AP3D1: variants seen among roughly 807,000 people sequenced by gnomAD.
AP3D1 encodes the protein adaptor related protein complex 3 subunit delta 1.
A neutral mutation model predicts 147.6 loss-of-function variants in AP3D1; 51 were observed. That is an observed-to-expected ratio of 0.35 (90% CI 0.28 to 0.44). The LOEUF is 0.44. Among genes scored for constraint, AP3D1 ranks in the 20% least tolerant of loss-of-function variants. The pLI, the probability that AP3D1 is intolerant of heterozygous loss-of-function variation, is 1.00. For missense variants in AP3D1, 1,421 were observed against 1,624.2 expected, an observed-to-expected ratio of 0.87 and a Z score of 2.15; for synonymous variants, 760 against 663.0, an observed-to-expected ratio of 1.15 and a Z score of -2.25.
intron 1 of AP3D1, among the ~76,000 whole-genome samples, chr19:2,148,543 A>G (rs2144569263): frequency 6.6e-6 from 1 of 152,362 alleles, no homozygotes; most frequent in East Asian, 1.9e-4. Context: ...GAGGACTGGA[A>G]AACAGTGAAC....
intron 9 of AP3D1, among the ~76,000 whole-genome samples, chr19:2,125,082 A>G (rs544557139): frequency 6.6e-6 from 1 of 152,194 alleles, no homozygotes; most frequent in Admixed American, 6.5e-5. Flanking sequence ...AATCACCGCT[A>G]AAGAACTGAT....
At chr19:2,104,923 C>T (rs536436917) in intron 31 of AP3D1, among the ~76,000 whole-genome samples, 2 of 152,218 alleles carry the variant, frequency 1.3e-5, no homozygotes, top group East Asian at 3.9e-4. Flanking sequence ...GATCCTCCTG[C>T]CTCAGCCTCC....
Position 2,137,102 on chromosome 19 carries a change from A to T in AP3D1, c.274-11T>A. 1 of 1,572,450 alleles carries T rather than the reference A, an allele frequency of 6.4e-7. No individual in the cohort carries two copies. Among genetic ancestry groups the T allele is most frequent in the Non-Finnish European group, 8.6e-7 (1 of 1,159,106 alleles). On this transcript the variant is annotated splice_polypyrimidine_tract_variant and intron_variant, in intron 3 of 31. Transcript: ENST00000643116. Reference sequence around the variant, plus strand: ...GAGGTAGCCAATTCGCTGGGAGAGAACAGATGAGCACATCAGAGGCAGGAC... The same window carrying T: ...GAGGTAGCCAATTCGCTGGGAGAGATCAGATGAGCACATCAGAGGCAGGAC...
chr19:2,152,606 G>A (rs184106212), upstream of AP3D1, among the ~76,000 whole-genome samples: 8 of 151,514 alleles, frequency 5.3e-5, no homozygotes, highest in Admixed American at 2.0e-4. Flanking sequence ...GGCCAGGCGC[G>A]GTGGCTCACA....
intron 4 of AP3D1, among the ~76,000 whole-genome samples, chr19:2,135,963 C>T (rs2019065024): frequency 6.6e-6 from 1 of 152,052 alleles, no homozygotes; most frequent in Admixed American, 6.5e-5. Flanking sequence ...GCCCCACCTG[C>T]TACACGGCCA....
upstream of AP3D1, among the ~76,000 whole-genome samples, chr19:2,154,667 G>C (rs1184332430): frequency 1.3e-5 from 2 of 152,302 alleles, no homozygotes; most frequent in East Asian, 3.9e-4. Flanking sequence ...CCCAAGGCAG[G>C]ACTCTAATCT....
rs1255560460 is a variant in AP3D1 at position 2,108,954 on chromosome 19, G to A, written c.3472+132C>T. On this transcript the variant is annotated intron_variant, in intron 30 of 31. Coordinates refer to ENST00000643116, the MANE Select transcript of AP3D1 (RefSeq NM_001261826.3). ...CCCGCACCAGCTCCCAGGCCTCGGGGCCACCAGCCACCCGGGATCCCAAAG... is the reference window on the plus strand; with the variant it reads ...CCCGCACCAGCTCCCAGGCCTCGGGACCACCAGCCACCCGGGATCCCAAAG... 3 of 1,453,396 alleles carry A rather than the reference G, an allele frequency of 2.1e-6. No homozygotes were observed. In the East Asian group the frequency reaches 7.2e-5, roughly 35 times the overall value. The allele number at this position is 1,453,396 out of a possible 1,614,324, so 90.0% of individuals were successfully genotyped here. A position where few individuals can be genotyped will look rare whatever the true frequency, so the allele number is the denominator to read the frequency against.
At chr19:2,125,552 C>G (rs758257074) in intron 9 of AP3D1, among the ~76,000 whole-genome samples, 3 of 152,190 alleles carry the variant, frequency 2.0e-5, no homozygotes, top group Non-Finnish European at 4.4e-5. Flanking sequence ...CTCCTAACCT[C>G]AGGTGATCCA....
chr19:2,122,940 GGCACCT>G (rs2018651429), intron 11 of AP3D1, among the ~76,000 whole-genome samples: 1 of 152,232 alleles, frequency 6.6e-6, no homozygotes, highest in East Asian at 1.9e-4. Flanking sequence ...CATGCAGGCA[GGCACCT>G]GGGCAAGGGT....
At chr19:2,116,972 G>T in intron 16 of AP3D1, 2 of 797,848 alleles carry the variant, frequency 2.5e-6, no homozygotes, top group Non-Finnish European at 3.8e-6. Context: ...GCAGGCTCAG[G>T]CTGCCTCAGA....
In AP3D1 at chr19:2,111,773, T is replaced by C; in HGVS notation, c.2843A>G (p.Lys948Arg). The change falls in exon 25 of 32, where the codon AAA becomes AGA. Residue 948 changes from lysine to arginine, a missense_variant. Lys to Arg is a conservative substitution (Grantham distance 26). Coordinates refer to ENST00000643116, the MANE Select transcript of AP3D1 (RefSeq NM_001261826.3). ...CTGCTTCTTGGACTTCTTCTTGCCT[T>C]TGGTCCGCTCCTCCTTCTCCTTCCT... Reference protein sequence around the residue: ...KHRKEKEERTKGKKKSKKQPP... With the variant: ...KHRKEKEERTRGKKKSKKQPP... The C allele has an allele frequency of 6.2e-7, 1 of 1,613,314 alleles. No individual in the cohort carries two copies. Among genetic ancestry groups the C allele is most frequent in the Non-Finnish European group, 8.5e-7 (1 of 1,179,656 alleles).
intron 9 of AP3D1, 144 bp downstream of exon 9, chr19:2,127,008 C>A: frequency 1.2e-6 from 1 of 845,776 alleles, no homozygotes; most frequent in Non-Finnish European, 1.9e-6. Context: ...CCCAGCCAGC[C>A]CCAGGCCCCA....
chr19:2,156,834 C>T (rs1014037020), intron 1 of AP3D1, among the ~76,000 whole-genome samples: 1 of 151,510 alleles, frequency 6.6e-6, no homozygotes, highest in Non-Finnish European at 1.5e-5. Flanking sequence ...GATGACAGAG[C>T]GAGACTCTGT....
chr19:2,115,436 G>T lies in AP3D1; in HGVS notation c.2150-18C>A, dbSNP rs774915925. 14 of 1,607,282 alleles carry T rather than the reference G, an allele frequency of 8.7e-6. No individual in the cohort carries two copies. The highest frequency in any genetic ancestry group is 3.3e-5 in the Admixed American group (2 of 59,992). ...AGGCAGCCCTGCGGGCCGGCAGCGGGCAGCCACTCAGCACTGCACCCCAGG... is the reference window on the plus strand; with the variant it reads ...AGGCAGCCCTGCGGGCCGGCAGCGGTCAGCCACTCAGCACTGCACCCCAGG... On this transcript the variant is annotated intron_variant, in intron 19 of 31. Transcript: ENST00000643116.
chr19:2,148,074 G>A (rs1490337119), intron 1 of AP3D1, among the ~76,000 whole-genome samples: 1 of 150,178 alleles, frequency 6.7e-6, no homozygotes, highest in Non-Finnish European at 1.5e-5. Context: ...GTGAACCCGG[G>A]AGGCACAGCT....
Position 2,151,380 on chromosome 19 carries a change from G to T in AP3D1, c.-46C>A. 7.2e-7 allele frequency: 1 copy of T among 1,392,654 alleles called. No homozygotes were observed. The highest frequency in any genetic ancestry group is 9.6e-7 in the Non-Finnish European group (1 of 1,045,372). The allele number at this position is 1,392,654 out of a possible 1,614,324, so 86.3% of individuals were successfully genotyped here. A position where few individuals can be genotyped will look rare whatever the true frequency, so the allele number is the denominator to read the frequency against. ...TGCCTCGGGAGGCCCGCGGCTGGGC[G>T]CCGTGAGGGGGCCCGGGGCCCGTGC... On this transcript the variant is annotated 5_prime_UTR_variant, in exon 1 of 32. Transcript: ENST00000643116.
chr19:2,151,133 G>C (rs1466638063), intron 1 of AP3D1, 106 bp downstream of exon 1: 1 of 1,144,096 alleles, frequency 8.7e-7, no homozygotes, highest in South Asian at 1.5e-5. Flanking sequence ...CTCCAACTAA[G>C]ACAGAGCCCG....
At position 2,121,284 on chromosome 19, in the gene AP3D1, C is replaced by T. The variant is rs769412492; in HGVS notation, c.1129G>A (p.Val377Met). The part of the protein sequence containing the change: ...MVSKKNLMEI[V>M]KKLMTHVDKA... ...TCTACGTGGGTCATCAGCTTCTTCA[C>T]GATCTCCATCAGGTTCTTCTTGGAC... Residue 377 changes from valine to methionine, a missense_variant, in exon 13 of 32, where the codon GTG becomes ATG. Val to Met is a conservative substitution (Grantham distance 21, BLOSUM62 1). Transcript: ENST00000643116. The T allele has an allele frequency of 3.5e-5, 57 of 1,614,062 alleles. No homozygotes were observed. The highest frequency in any genetic ancestry group is 1.0e-4 in the Admixed American group (6 of 60,000).
chr19:2,134,830 A>G (rs2019037405), intron 4 of AP3D1, among the ~76,000 whole-genome samples: 1 of 151,602 alleles, frequency 6.6e-6, no homozygotes, highest in African/African-American at 2.4e-5. Context: ...CAAACTCCCA[A>G]CCTCAGAAGA....
Sources: allele counts gnomAD v4.1 joint callset (sites outside exome capture counted in the v4.1 genomes callset), GRCh38; gene constraint gnomAD v4.1.1; transcripts MANE v1.5; gene names NCBI Gene and HGNC (gene_info 2026-07-23, HGNC 2026-07-21).